The following CHD2 variants were observed in gnomAD, a reference collection of about 807,000 sequenced individuals.
The protein encoded by CHD2 is chromodomain helicase DNA binding protein 2.
In CHD2, 28 loss-of-function variants were observed where a neutral mutation model predicts 243.9. The ratio of observed to expected loss-of-function variants is 0.11; its 90% CI spans 0.09 to 0.16. CHD2 has a LOEUF of 0.16. Ranked by LOEUF, CHD2 falls within the 10% of genes least tolerant of loss-of-function variation. CHD2 has a pLI of 1.00. For synonymous variants in CHD2, 775 were observed against 779.0 expected, an observed-to-expected ratio of 0.99 and a Z score of 0.09; for missense variants, 1,386 against 2,209.8, an observed-to-expected ratio of 0.63 and a Z score of 7.47.
In CHD2 at chr15:92,905,069, A is replaced by G. The variant is rs964594363; in HGVS notation, c.62+3770A>G. On this transcript the variant is annotated intron_variant, in intron 2 of 38. Coordinates refer to ENST00000394196, the MANE Select transcript of CHD2 (RefSeq NM_001271.4). ...ACAGTGGGATAGTTTAGTAGAAAAT[A>G]GAAAATTTCACGTTCAATAACATTA... The G allele has an allele frequency of 3.6e-6, 5 of 1,403,796 alleles. No homozygotes were observed. In the Admixed American group the frequency reaches 1.1e-4, roughly 31 times the overall value. The allele number at this position is 1,403,796 out of a possible 1,614,324, so 87.0% of individuals were successfully genotyped here.
intron 22 of CHD2, among the ~76,000 whole-genome samples, chr15:92,979,696 G>C (rs568757846): frequency 1.3e-5 from 2 of 151,962 alleles, no homozygotes; most frequent in Admixed American, 1.3e-4. Context: ...CTTCCAGAAG[G>C]GTGTAAAAAG....
In CHD2 at chr15:92,955,410, T is replaced by C. The variant is rs776345457; in HGVS notation, c.1720-13T>C. The C allele has an allele frequency of 6.6e-7, 1 of 1,525,592 alleles. No individual in the cohort carries two copies. The highest frequency in any genetic ancestry group is 8.8e-7 in the Non-Finnish European group (1 of 1,133,396). The allele number at this position is 1,525,592 out of a possible 1,614,324, so 94.5% of individuals were successfully genotyped here. The stretch of plus-strand genomic sequence containing the variant: ...AGTAGAAATTATGTCTTAATTATGT[T>C]TTTTTCTTATAGATACGGGAATATG... On this transcript the variant is annotated splice_polypyrimidine_tract_variant and intron_variant, in intron 14 of 38. Transcript: ENST00000394196.
chr15:92,906,930 T>G (rs2052634412), intron 2 of CHD2, among the ~76,000 whole-genome samples: 1 of 152,186 alleles, frequency 6.6e-6, no homozygotes, highest in South Asian at 2.1e-4. Flanking sequence ...TTTGCAAAGC[T>G]GCCATTCACA....
Position 92,924,472 on chromosome 15 carries a change from G to T in CHD2, c.214G>T (p.Gly72Cys), listed in dbSNP as rs1034945378. 3.7e-6 allele frequency: 6 copies of T among 1,614,118 alleles called. No individual in the cohort carries two copies. Among genetic ancestry groups the T allele is most frequent in the Middle Eastern group, 3.3e-4 (2 of 6,062 alleles). Residue 72 changes from glycine to cysteine, a missense_variant, in exon 3 of 39, where the codon GGT becomes TGT. This residue lies in a region of CHD2 where 89 missense variants were observed against 102.4 expected (regional missense o/e 0.87). Coordinates refer to ENST00000394196, the MANE Select transcript of CHD2 (RefSeq NM_001271.4). ...SQSESESESAGSKSQPVLPEA... is the reference protein window; with the variant it reads ...SQSESESESACSKSQPVLPEA... ...GTCGGAATCTGAGAGCGAATCAGCA[G>T]GTTCCAAATCCCAGCCAGTCCTCCC...
intron 2 of CHD2, among the ~76,000 whole-genome samples, chr15:92,910,478 C>T (rs1323412115): frequency 3.3e-5 from 5 of 152,028 alleles, no homozygotes; most frequent in African/African-American, 7.2e-5. Flanking sequence ...TTGCAACCTC[C>T]GCCTCCCAGG....
intron 16 of CHD2, among the ~76,000 whole-genome samples, chr15:92,963,658 A>G (rs1307084176): frequency 2.0e-5 from 3 of 152,126 alleles, no homozygotes; most frequent in African/African-American, 7.2e-5. Context: ...GGCTTCCTTT[A>G]TTTACATATT....
rs6497013 is a variant in CHD2 at position 93,000,823 on chromosome 15, A to G, written c.4137+183A>G. 0.37 allele frequency among the ~76,000 whole-genome samples: 56,381 copies of G among 152,156 alleles called. 11,519 individuals carry two copies. Among genetic ancestry groups the G allele is most frequent in the East Asian group, 0.8 (4,130 of 5,178 alleles). On this transcript the variant is annotated intron_variant, in intron 32 of 38. Transcript: ENST00000394196. The stretch of plus-strand genomic sequence containing the variant: ...TAAGTCAGCAACTGCAAATTTGTAC[A>G]TAATGGAAGTAAATGAAGGGGACTA...
chr15:92,958,944 G>A (rs912088197), intron 16 of CHD2, among the ~76,000 whole-genome samples: 8 of 152,340 alleles, frequency 5.3e-5, no homozygotes, highest in African/African-American at 1.9e-4. Context: ...ATTTAACAAT[G>A]TTTTAAACTT....
chr15:92,988,509 A>G (rs1596440725), intron 26 of CHD2, among the ~76,000 whole-genome samples: 1 of 152,196 alleles, frequency 6.6e-6, no homozygotes, highest in Admixed American at 6.5e-5. Context: ...GATTTGAGTT[A>G]CTATTTTATG....
At chr15:92,944,335 C>T in intron 9 of CHD2, 80 bp from the exon 10 acceptor site, 2 of 683,846 alleles carry the variant, frequency 2.9e-6, no homozygotes, top group African/African-American at 3.6e-5. Context: ...TTTTCTTTTC[C>T]ACCTTTGACT....
chr15:92,911,590 T>G (rs1399842570), intron 2 of CHD2, among the ~76,000 whole-genome samples: 1 of 151,904 alleles, frequency 6.6e-6, no homozygotes, highest in Non-Finnish European at 1.5e-5. Flanking sequence ...ATACAAAAAT[T>G]AGCTGGATGT....
At chr15:92,988,427 A>G (rs1345031364) in intron 26 of CHD2, among the ~76,000 whole-genome samples, 1 of 152,188 alleles carries the variant, frequency 6.6e-6, no homozygotes, top group Non-Finnish European at 1.5e-5. Context: ...GAAAAGAGTT[A>G]CAAAAATGCA....
intron 20 of CHD2, among the ~76,000 whole-genome samples, chr15:92,977,972 G>C (rs1381347120): frequency 6.6e-6 from 1 of 152,084 alleles, no homozygotes; most frequent in Non-Finnish European, 1.5e-5. Context: ...TTGTAGCCGG[G>C]AGGTAGCACT....
At chr15:92,907,017 T>C (rs563212441) in intron 2 of CHD2, among the ~76,000 whole-genome samples, 11 of 152,308 alleles carry the variant, frequency 7.2e-5, no homozygotes, top group African/African-American at 2.6e-4. Context: ...CAGGCTGGAT[T>C]GTATTTTTAT....
intron 2 of CHD2, chr15:92,904,829 C>A: frequency 6.6e-7 from 1 of 1,507,522 alleles, no homozygotes; most frequent in Non-Finnish European, 8.8e-7. Flanking sequence ...TTACAATTGA[C>A]CAAAACGTTT....
At chr15:93,022,919 T>A (rs952013512) in intron 38 of CHD2, among the ~76,000 whole-genome samples, 1 of 152,240 alleles carries the variant, frequency 6.6e-6, no homozygotes, top group African/African-American at 2.4e-5. Context: ...TTCTATGCAT[T>A]TTGTCCCTTT....
At position 92,984,431 on chromosome 15, in the gene CHD2, G is replaced by A. The variant is rs1555443360; in HGVS notation, c.3168G>A (p.Glu1056=). 6.2e-7 allele frequency: 1 copy of A among 1,612,910 alleles called. No individual in the cohort carries two copies. Among genetic ancestry groups the A allele is most frequent in the Non-Finnish European group, 8.5e-7 (1 of 1,179,374 alleles). The change falls in exon 25 of 39, where the codon GAG becomes GAA. Residue 1056 remains glutamate (E), a synonymous_variant. Transcript: ENST00000394196. The part of the protein sequence containing the change: ...IIPEEQRKKV[E]EEERQKELEE... Reference sequence around the variant, plus strand: ...CAGAGGAACAAAGGAAAAAAGTAGAGGAGGAAGAGCGGCAGAAGGAGCTAG... The same window carrying A: ...CAGAGGAACAAAGGAAAAAAGTAGAAGAGGAAGAGCGGCAGAAGGAGCTAG...
Position 93,004,789 on chromosome 15 carries a change from C to T in CHD2, c.4413+38C>T, listed in dbSNP as rs76579099. On this transcript the variant is annotated intron_variant, in intron 34 of 38. Coordinates refer to ENST00000394196, the MANE Select transcript of CHD2 (RefSeq NM_001271.4). Reference sequence around the variant, plus strand: ...ATCGGGGGGTGCCAGTGTCTGCAGCCGCGGTACTTGCTGTGGCTCTGCCTT... The same window carrying T: ...ATCGGGGGGTGCCAGTGTCTGCAGCTGCGGTACTTGCTGTGGCTCTGCCTT... 3.7e-3 allele frequency: 5,954 copies of T among 1,596,774 alleles called. 181 individuals are homozygous for T. In the African/African-American group the frequency reaches 0.071, roughly 19 times the overall value.
At chr15:92,956,685 A>C (rs1357689906) in intron 16 of CHD2, 36 bp downstream of exon 16, 1 of 1,552,264 alleles carries the variant, frequency 6.4e-7, no homozygotes, top group Non-Finnish European at 8.7e-7. Flanking sequence ...AAGATGCTAG[A>C]ATGTCTGAAA....
Sources: allele counts gnomAD v4.1 joint callset (sites outside exome capture counted in the v4.1 genomes callset), GRCh38; gene constraint gnomAD v4.1.1; regional missense constraint gnomAD v4.1.1; transcripts MANE v1.5; gene names NCBI Gene and HGNC (gene_info 2026-07-23, HGNC 2026-07-21).